The following ABCA6 variants were observed in gnomAD, a reference collection of about 807,000 sequenced individuals.
ABCA6 encodes ATP-binding cassette sub-family A member 6.
ABCA6 carries 164 observed loss-of-function variants against 191.2 expected under a neutral mutation model. The ratio of observed to expected loss-of-function variants is 0.86; its 90% confidence interval spans 0.76 to 0.98. The LOEUF is 0.98. ABCA6 is among the 50% of genes least tolerant of loss of function. The probability of loss-of-function intolerance (pLI) is 0.00; values close to 1 mark genes in which losing one functional copy is unlikely to be tolerated. For missense variants in ABCA6, 1,958 were observed against 1,894.1 expected, an observed-to-expected ratio of 1.03 and a Z score of -0.63; for synonymous variants, 636 against 647.7, an observed-to-expected ratio of 0.98 and a Z score of 0.27.
chr17:69,137,391 T>G lies in ABCA6; in HGVS notation c.206A>C (p.Lys69Thr), dbSNP rs1477422226. The stretch of plus-strand genomic sequence containing the variant: ...AACCATTAAAGAAGAGCTATTAAAT[T>G]TATCTACCCTTCCCAGATTCTGAGG... Reference protein sequence around the residue: ...MAPQNLGRVDKFNSSSLMVVY... With the variant: ...MAPQNLGRVDTFNSSSLMVVY... The change falls in exon 3 of 39, where the codon AAA becomes ACA. Residue 69 changes from lysine to threonine, a missense_variant. Physicochemically the swap from Lys to Thr is moderately conservative, Grantham distance 78. Transcript: ENST00000284425. 1 of 1,613,622 alleles carries G rather than the reference T, an allele frequency of 6.2e-7. No homozygotes were observed. The highest frequency in any genetic ancestry group is 2.2e-5 in the East Asian group (1 of 44,834).
chr17:69,086,730 A>T lies in ABCA6; in HGVS notation c.3825T>A (p.Pro1275=). 1 of 1,607,970 alleles carries T rather than the reference A, an allele frequency of 6.2e-7. No individual in the cohort carries two copies. Among genetic ancestry groups the T allele is most frequent in the Non-Finnish European group, 8.5e-7 (1 of 1,175,860 alleles). The change falls in exon 30 of 39, where the codon CCT becomes CCA. Residue 1275 remains proline (P), a synonymous_variant. Transcript: ENST00000284425. Reference sequence around the variant, plus strand: ...TGTGTAGACAGCTGGCAATTATAACAGGTTTCTAGAAGAGATGACAGCATG... The same window carrying T: ...TGTGTAGACAGCTGGCAATTATAACTGGTTTCTAGAAGAGATGACAGCATG... The part of the protein sequence containing the change: ...ALTTSILDEK[P]VIIASCLHKE...
At chr17:69,113,075 TG>T (rs2073460943) in intron 15 of ABCA6, 146 bp downstream of exon 15, 1 of 845,044 alleles carries the variant, frequency 1.2e-6, no homozygotes, top group African/African-American at 1.8e-5. Flanking sequence ...AATTCCACAG[TG>T]GAACTAGACT....
chr17:69,137,265 G>A (rs2073964201), intron 3 of ABCA6, 31 bp downstream of exon 3: 3 of 1,591,026 alleles, frequency 1.9e-6, no homozygotes, highest in Non-Finnish European at 2.6e-6. Flanking sequence ...ACATCTATCA[G>A]TAACTCTTTT....
Position 69,106,070 on chromosome 17 carries a change from C to G in ABCA6, c.2531G>C (p.Arg844Pro), listed in dbSNP as rs376370716. ...AGTTTGACGTTTTAACTTTAAGAAA[C>G]GGAGCCGTGCCATGGCAAAGACTTG... The part of the protein sequence containing the change: ...RMQVFAMARL[R>P]FLKLKRQTKV... Residue 844 changes from arginine (R) to proline (P), a missense_variant, in exon 19 of 39, where the codon CGT becomes CCT. Coordinates refer to ENST00000284425, the MANE Select transcript of ABCA6 (RefSeq NM_080284.3). 1.2e-6 allele frequency: 2 copies of G among 1,612,980 alleles called. No homozygotes were observed. Among genetic ancestry groups the G allele is most frequent in the South Asian group, 2.2e-5 (2 of 90,812 alleles).
chr17:69,110,559 C>T lies in ABCA6; in HGVS notation c.2272+242G>A, dbSNP rs570152064. On this transcript the variant is annotated intron_variant, in intron 17 of 38. Transcript: ENST00000284425. ...CAATTGCCTACCACAGTAATCTGCT[C>T]CAGAATTCAGACTTCCCTGGCTGCC... is the stretch of plus-strand genomic sequence containing the variant. 4 of 406,362 alleles carry T rather than the reference C, an allele frequency of 9.8e-6. No homozygotes were observed. The South Asian group carries it at 1.2e-4, about 12-fold the overall frequency. 25.2% of individuals were successfully genotyped at this position (406,362 alleles called of 1,614,324 possible). A position where few individuals can be genotyped will look rare whatever the true frequency, so the allele number is the denominator to read the frequency against.
At chr17:69,083,381 GA>G (rs769637483) in intron 34 of ABCA6, 50 bp from the exon 35 acceptor site, 38 of 1,495,724 alleles carry the variant, frequency 2.5e-5, no homozygotes, top group South Asian at 1.1e-4. Flanking sequence ...AAGTGCAGAA[GA>G]AAAAAAAGAT....
At chr17:69,085,492 A>G (rs1210847068) in intron 31 of ABCA6, 133 bp downstream of exon 31, 1 of 686,544 alleles carries the variant, frequency 1.5e-6, no homozygotes, top group Non-Finnish European at 2.3e-6. Context: ...AAATTTAAAG[A>G]GGGGAAAAAT....
At chr17:69,128,851 C>T in intron 7 of ABCA6, 47 bp from the exon 8 acceptor site, 2 of 1,436,452 alleles carry the variant, frequency 1.4e-6, no homozygotes, top group South Asian at 1.5e-5. Context: ...ATATTTAGCT[C>T]ACTGAGAATC....
chr17:69,133,909 T>C, intron 5 of ABCA6, 42 bp from the exon 6 acceptor site: 1 of 1,327,982 alleles, frequency 7.5e-7, no homozygotes, highest in African/African-American at 1.5e-5. Flanking sequence ...ATTTAAAAGA[T>C]AGAAACTGGT....
intron 27 of ABCA6, among the ~76,000 whole-genome samples, chr17:69,089,085 T>C (rs1223703476): frequency 1.3e-5 from 2 of 152,220 alleles, no homozygotes; most frequent in Non-Finnish European, 2.9e-5. Flanking sequence ...AGACAGTAGT[T>C]CCCTTCAGCC....
At chr17:69,111,242 G>A (rs1370682637) in intron 16 of ABCA6, 1 of 183,474 alleles carries the variant, frequency 5.5e-6, no homozygotes, top group East Asian at 1.4e-4. Context: ...ATGTTAGGAA[G>A]AAGAGACTTC....
chr17:69,123,444 T>C (rs763999146), intron 9 of ABCA6, 37 bp from the exon 10 acceptor site: 14 of 1,374,980 alleles, frequency 1.0e-5, no homozygotes, highest in African/African-American at 1.5e-5. Flanking sequence ...TGATCAGTAA[T>C]AGTAAAAGAA....
intron 37 of ABCA6, among the ~76,000 whole-genome samples, 175 bp downstream of exon 37, chr17:69,080,891 A>G (rs1297197406): frequency 6.6e-6 from 1 of 152,224 alleles, no homozygotes; most frequent in African/African-American, 2.4e-5. Context: ...CTTTTCACAG[A>G]GTCAGAGTAA....
chr17:69,085,227 C>T (rs1567996096), intron 31 of ABCA6, 45 bp from the exon 32 acceptor site: 1 of 1,548,680 alleles, frequency 6.5e-7, no homozygotes, highest in South Asian at 1.2e-5. Flanking sequence ...GCCTTTATTC[C>T]AATAGCGTAA....
At chr17:69,127,095 TG>T (rs2073767774) in intron 8 of ABCA6, among the ~76,000 whole-genome samples, 1 of 152,180 alleles carries the variant, frequency 6.6e-6, no homozygotes, top group Admixed American at 6.6e-5. Context: ...ATTGGATATT[TG>T]TGTAGCAAAA....
At chr17:69,112,572 A>G in intron 15 of ABCA6, 1 of 277,100 alleles carries the variant, frequency 3.6e-6, no homozygotes, top group Non-Finnish European at 6.8e-6. Context: ...CAAATACTGC[A>G]TGTTCTCATT....
rs776613342 is a variant in ABCA6, at chr17:69,083,293, CCT to C, written c.4392_4393del (p.Gly1465CysfsTer7). On this transcript the variant is annotated frameshift_variant, in exon 35 of 39. Coordinates refer to ENST00000284425, the MANE Select transcript of ABCA6 (RefSeq NM_080284.3). LOFTEE classifies it high-confidence loss of function. Reference sequence around the variant, plus strand: ...CAGGTTATGGGTGGTCAGGAGGACACCTCTCTCTGTGTTTTTAACGACTGCCT... The same window carrying C: ...CAGGTTATGGGTGGTCAGGAGGACACCTCTCTGTGTTTTTAACGACTGCCT... 39 of 1,605,504 alleles carry C rather than the reference CCT, an allele frequency of 2.4e-5. No homozygotes were observed. Among genetic ancestry groups the C allele is most frequent in the South Asian group, 3.4e-5 (3 of 89,420 alleles).
chr17:69,112,532 C>A, intron 15 of ABCA6: 1 of 340,902 alleles, frequency 2.9e-6, no homozygotes, highest in Non-Finnish European at 5.4e-6. Context: ...AGTCTATTAT[C>A]ATAAGTGAAA....
At chr17:69,086,524 G>C (rs1026126034) in intron 30 of ABCA6, 94 bp downstream of exon 30, 8 of 464,350 alleles carry the variant, frequency 1.7e-5, no homozygotes, top group Non-Finnish European at 2.9e-5. Context: ...ATAAATGAAT[G>C]AATGCTTCAG....
Sources: gnomAD v4.1 joint callset for allele counts (sites outside exome capture counted in the v4.1 genomes callset) on GRCh38, gnomAD v4.1.1 for gene constraint, MANE v1.5 for transcripts, NCBI Gene and HGNC (gene_info 2026-07-23, HGNC 2026-07-21) for gene names.